ESF1: variants seen among roughly 807,000 people sequenced by gnomAD.
ESF1 encodes ESF1 homolog.
In ESF1, 58 loss-of-function variants were observed where a neutral mutation model predicts 92.0. The observed-to-expected ratio is 0.63, with a 90% CI of 0.51 to 0.78. The LOEUF (loss-of-function observed/expected upper bound fraction) is 0.78. Ranked by LOEUF, ESF1 falls within the 30% of genes least tolerant of loss-of-function variation. ESF1 has a pLI of 0.00. For missense variants in ESF1, 922 were observed against 989.1 expected, an observed-to-expected ratio of 0.93 and a Z score of 0.91; for synonymous variants, 321 against 313.7, an observed-to-expected ratio of 1.02 and a Z score of -0.24.
intron 7 of ESF1, among the ~76,000 whole-genome samples, chr20:13,768,195 G>A (rs3789338): frequency 0.84 from 127,685 of 152,234 alleles, 53,657 homozygotes; most frequent in Non-Finnish European, 0.86. Flanking sequence ...ATAGCAGGTG[G>A]CAGATACAGC....
intron 10 of ESF1, among the ~76,000 whole-genome samples, chr20:13,730,981 G>A (rs925670790): frequency 6.6e-6 from 1 of 152,114 alleles, no homozygotes; most frequent in Non-Finnish European, 1.5e-5. Context: ...CAAAGAACCT[G>A]TGGAGTTGGA....
chr20:13,743,912 T>C (rs1347129367), intron 9 of ESF1, among the ~76,000 whole-genome samples: 1 of 152,238 alleles, frequency 6.6e-6, no homozygotes, highest in Non-Finnish European at 1.5e-5. Flanking sequence ...GTCAATTAAA[T>C]ATTTTTAAAA....
intron 4 of ESF1, among the ~76,000 whole-genome samples, chr20:13,773,867 G>A (rs867383438): frequency 2.0e-5 from 3 of 152,080 alleles, no homozygotes; most frequent in African/African-American, 4.8e-5. Flanking sequence ...AGGCCGAGGC[G>A]GGCGGATCAT....
chr20:13,772,312 T>C (rs1979725226), intron 5 of ESF1, among the ~76,000 whole-genome samples: 1 of 152,086 alleles, frequency 6.6e-6, no homozygotes, highest in Non-Finnish European at 1.5e-5. Context: ...CTTTCATGAA[T>C]ACAGAAATAG....
Position 13,783,209 on chromosome 20 carries a change from T to C in ESF1, c.-43-26A>G, listed in dbSNP as rs568066970. 2.8e-5 allele frequency: 40 copies of C among 1,422,576 alleles called. No individual in the cohort carries two copies. The African/African-American group carries it at 5.3e-4, about 19-fold the overall frequency. The allele number at this position is 1,422,576 out of a possible 1,614,324, so 88.1% of individuals were successfully genotyped here. On this transcript the variant is annotated intron_variant, in intron 1 of 13. Transcript: ENST00000617257. ...CTGAAAAATAAAACAAATGTTTTAATGGTAATAATGGTTAGTACAATAATT... is the reference window on the plus strand; with the variant it reads ...CTGAAAAATAAAACAAATGTTTTAACGGTAATAATGGTTAGTACAATAATT...
chr20:13,748,469 CATAT>C (rs534050813), intron 9 of ESF1, among the ~76,000 whole-genome samples: 2 of 70,346 alleles, frequency 2.8e-5, no homozygotes, highest in African/African-American at 5.8e-5. Flanking sequence ...CATATATACA[CATAT>C]ATACACATAT....
chr20:13,748,592 A>ATATATTTTTTTT (rs1331098586), intron 9 of ESF1, among the ~76,000 whole-genome samples: 1 of 95,734 alleles, frequency 1.0e-5, no homozygotes, highest in African/African-American at 6.4e-5. Flanking sequence ...ATATATATAT[A>ATATATTTTTTTT]TTTTTTTTTT....
rs1274349489 is a variant in ESF1, at chr20:13,771,459, ATC to A, written c.1273_1274del (p.Asp425LeufsTer16). 1 of 1,612,944 alleles carries A rather than the reference ATC, an allele frequency of 6.2e-7. No individual in the cohort carries two copies. Among genetic ancestry groups the A allele is most frequent in the Non-Finnish European group, 8.5e-7 (1 of 1,179,424 alleles). ...AGTACTTCAGTCGTTTGAATTGATAATCTCTCAATTTTTCTCTAGACGTCCTA... is the reference window on the plus strand; with the variant it reads ...AGTACTTCAGTCGTTTGAATTGATAATCTCAATTTTTCTCTAGACGTCCTA... ...KDWTSREKLR[D>X]YQFKRLKYYY... On this transcript the variant is annotated frameshift_variant, in exon 6 of 14. Transcript: ENST00000617257. LOFTEE classifies it high-confidence loss of function.
chr20:13,735,779 A>G (rs1003639827), intron 9 of ESF1, among the ~76,000 whole-genome samples: 2 of 152,148 alleles, frequency 1.3e-5, no homozygotes, highest in African/African-American at 4.8e-5. Flanking sequence ...TTTCACCAAA[A>G]AAGTTATTTT....
intron 11 of ESF1, among the ~76,000 whole-genome samples, chr20:13,723,696 C>T (rs571753071): frequency 9.2e-5 from 14 of 152,226 alleles, no homozygotes; most frequent in African/African-American, 3.4e-4. Context: ...ATAAGTTTAG[C>T]TCTATGGGAT....
intron 2 of ESF1, among the ~76,000 whole-genome samples, chr20:13,776,611 A>G (rs1258347357): frequency 1.3e-5 from 2 of 152,212 alleles, no homozygotes; most frequent in African/African-American, 4.8e-5. Flanking sequence ...AAAGAGAAGC[A>G]AACAGTGCTC....
Position 13,714,806 on chromosome 20 carries a change from A to G in ESF1, c.*68T>C, listed in dbSNP as rs1433877375. The G allele has an allele frequency of 3.2e-6, 4 of 1,263,960 alleles. No homozygotes were observed. In the African/African-American group the frequency reaches 6.0e-5, roughly 19 times the overall value. 78.3% of individuals were successfully genotyped at this position (1,263,960 alleles called of 1,614,324 possible). A position where few individuals can be genotyped will look rare whatever the true frequency, so the allele number is the denominator to read the frequency against. On this transcript the variant is annotated 3_prime_UTR_variant, in exon 14 of 14. Transcript: ENST00000617257. ...AAAGATAGCTTTGTTCCCAATAAAT[A>G]TTCCCTCCTATTATTTTTGTACATT...
chr20:13,753,210 CTACTCACTAGTCAG>C, intron 9 of ESF1, among the ~76,000 whole-genome samples: 1 of 152,134 alleles, frequency 6.6e-6, no homozygotes, highest in Non-Finnish European at 1.5e-5. Flanking sequence ...TAAAGCCGTT[CTACTCACTAGTCAG>C]TTATTAGTCA....
intron 2 of ESF1, among the ~76,000 whole-genome samples, chr20:13,776,680 TA>T (rs1388988639): frequency 1.3e-5 from 2 of 152,122 alleles, no homozygotes; most frequent in African/African-American, 4.8e-5. Context: ...AATCAATATA[TA>T]GGAAAAGTTA....
At chr20:13,752,488 C>CA (rs1978684108) in intron 9 of ESF1, among the ~76,000 whole-genome samples, 1 of 151,588 alleles carries the variant, frequency 6.6e-6, no homozygotes, top group South Asian at 2.1e-4. Context: ...AAGTTCTGGC[C>CA]AAAAAAAATT....
rs1011405348 is a variant in ESF1, at chr20:13,760,821, C to T, written c.1667-968G>A. 1.5e-3 allele frequency among the ~76,000 whole-genome samples: 233 copies of T among 152,214 alleles called. 4 individuals carry two copies. Among genetic ancestry groups the T allele is most frequent in the African/African-American group, 5.2e-3 (218 of 41,554 alleles). ...GAGGTGAGGGGTGCCTCTGCCCGGCCGCCCCTACTGGGAAGTGAGGAGCCC... is the reference window on the plus strand; with the variant it reads ...GAGGTGAGGGGTGCCTCTGCCCGGCTGCCCCTACTGGGAAGTGAGGAGCCC... On this transcript the variant is annotated intron_variant, in intron 8 of 13. Coordinates refer to ENST00000617257, the MANE Select transcript of ESF1 (RefSeq NM_001276380.2).
chr20:13,771,594 C>T lies in ESF1; in HGVS notation c.1251-111G>A, dbSNP rs889741429. On this transcript the variant is annotated intron_variant, in intron 5 of 13. Transcript: ENST00000617257. ...AACATATTACAAGCTGGCCTTCATACCAAACCATCTTTCCTTCATGACTTT... is the reference window on the plus strand; with the variant it reads ...AACATATTACAAGCTGGCCTTCATATCAAACCATCTTTCCTTCATGACTTT... 125 of 803,926 alleles carry T rather than the reference C, an allele frequency of 1.6e-4. No individual in the cohort carries two copies. The East Asian group carries it at 3.1e-3, about 20-fold the overall frequency. 49.8% of individuals were successfully genotyped at this position (803,926 alleles called of 1,614,324 possible). A position where few individuals can be genotyped will look rare whatever the true frequency, so the allele number is the denominator to read the frequency against.
At chr20:13,719,068 G>A (rs780837492) in intron 11 of ESF1, 84 bp from the exon 12 acceptor site, 1 of 831,868 alleles carries the variant, frequency 1.2e-6, no homozygotes, top group Non-Finnish European at 1.8e-6. Context: ...AAAAATATAA[G>A]ATATCTAGGA....
At chr20:13,745,243 G>A (rs1420236533) in intron 9 of ESF1, among the ~76,000 whole-genome samples, 1 of 152,156 alleles carries the variant, frequency 6.6e-6, no homozygotes, top group African/African-American at 2.4e-5. Context: ...AATTCTACAT[G>A]TATCCAAGAA....
Sources: allele counts gnomAD v4.1 joint callset (sites outside exome capture counted in the v4.1 genomes callset), GRCh38; gene constraint gnomAD v4.1.1; transcripts MANE v1.5; gene names NCBI Gene and HGNC (gene_info 2026-07-23, HGNC 2026-07-21).